Variants in MAML3 observed in about 807,000 individuals in gnomAD.
MAML3 encodes the protein mastermind-like protein 3.
MAML3 carries 27 observed loss-of-function variants against 101.9 expected under a neutral mutation model. That is an observed-to-expected ratio of 0.27 (90% confidence interval 0.20 to 0.37). The LOEUF (loss-of-function observed/expected upper bound fraction) is 0.37, where lower values mean the gene tolerates loss of function less well. Among genes scored for constraint, MAML3 ranks in the 10% least tolerant of loss-of-function variants. The probability of loss-of-function intolerance (pLI) is 1.00; values close to 1 mark genes in which losing one functional copy is unlikely to be tolerated. For missense variants in MAML3, 1,316 were observed against 1,444.9 expected (o/e 0.91, Z 1.45); for synonymous variants, 501 against 555.9 (o/e 0.90, Z 1.39).
intron 2 of MAML3, among the ~76,000 whole-genome samples, chr4:139,778,625 G>A (rs929953363): frequency 6.6e-6 from 1 of 152,108 alleles, no homozygotes; most frequent in African/African-American, 2.4e-5. Flanking sequence ...TCTTCCTGAG[G>A]GCGAATCTCT....
chr4:140,145,445 T>C (rs900279027), intron 1 of MAML3, among the ~76,000 whole-genome samples: 2 of 152,238 alleles, frequency 1.3e-5, no homozygotes, highest in African/African-American at 4.8e-5. Flanking sequence ...AGCATAAAGG[T>C]CATTTCCAAT....
chr4:139,873,475 G>A (rs994693236), intron 2 of MAML3, among the ~76,000 whole-genome samples: 2 of 152,164 alleles, frequency 1.3e-5, no homozygotes, highest in Non-Finnish European at 2.9e-5. Context: ...CCTTCAGAAG[G>A]GAGAACCTAA....
intron 1 of MAML3, among the ~76,000 whole-genome samples, chr4:140,003,541 G>C (rs1370390303): frequency 6.6e-6 from 1 of 152,102 alleles, no homozygotes; most frequent in Admixed American, 6.5e-5. Flanking sequence ...AGCTGAGAAG[G>C]GCTGCAAGAA....
intron 1 of MAML3, among the ~76,000 whole-genome samples, chr4:140,105,363 C>T (rs1728334371): frequency 6.6e-6 from 1 of 152,164 alleles, no homozygotes. Context: ...ACTCGACTAT[C>T]CTGGTCTTAG....
rs1375165425 is a variant in MAML3 at position 140,153,682 on chromosome 4, T to A, written c.-355A>T. 4.3e-6 allele frequency: 1 copy of A among 231,366 alleles called. No homozygotes were observed. The highest frequency in any genetic ancestry group is 2.3e-5 in the African/African-American group (1 of 43,710). 14.3% of individuals were successfully genotyped at this position (231,366 alleles called of 1,614,324 possible). ...TGCTTGCCTTCTTTTTATAATCCAT[T>A]ATTTTCTAATAAATTCCAGGAGATT... On this transcript the variant is annotated 5_prime_UTR_variant, in exon 1 of 5. The change abolishes the stop of an existing upstream ORF in the 5' untranslated region. Transcript: ENST00000509479.
chr4:139,872,009 A>G (rs1732017409), intron 2 of MAML3, among the ~76,000 whole-genome samples: 2 of 152,232 alleles, frequency 1.3e-5, no homozygotes, highest in Non-Finnish European at 2.9e-5. Context: ...ACGTGTTTAC[A>G]ATACTAGGAA....
chr4:140,142,993 T>G (rs1243606501), intron 1 of MAML3, among the ~76,000 whole-genome samples: 1 of 152,168 alleles, frequency 6.6e-6, no homozygotes, highest in African/African-American at 2.4e-5. Context: ...ACTAATCCTC[T>G]CCTCTGCACA....
At chr4:140,094,338 C>T (rs976257121) in intron 1 of MAML3, among the ~76,000 whole-genome samples, 7 of 152,288 alleles carry the variant, frequency 4.6e-5, no homozygotes, top group East Asian at 1.9e-4. Context: ...TGCTATCCTC[C>T]GGCTATATGC....
intron 1 of MAML3, among the ~76,000 whole-genome samples, chr4:139,980,205 T>C (rs1734420432): frequency 6.6e-6 from 1 of 152,180 alleles, no homozygotes; most frequent in Non-Finnish European, 1.5e-5. Context: ...ATCCCTCATG[T>C]CATCTGGAAG....
rs1389305423 is a variant in MAML3 at position 139,930,729 on chromosome 4, G to A, written c.469-39762C>T. ...TATGCTCTCAGGTACCCTCTTCGTA[G>A]TCCCTTTTTCTTATGTTTAAATGAG... On this transcript the variant is annotated intron_variant, in intron 1 of 4. Coordinates refer to ENST00000509479, the MANE Select transcript of MAML3 (RefSeq NM_018717.5). 2.6e-5 allele frequency among the ~76,000 whole-genome samples: 4 copies of A among 152,090 alleles called. No homozygotes were observed. In the South Asian group the frequency reaches 8.3e-4, roughly 32 times the overall value.
At chr4:140,080,574 T>G (rs1172522617) in intron 1 of MAML3, among the ~76,000 whole-genome samples, 9 of 152,212 alleles carry the variant, frequency 5.9e-5, no homozygotes, top group Admixed American at 5.9e-4. Context: ...GAGAAGAAAC[T>G]GGTCTTTCAC....
intron 2 of MAML3, chr4:139,888,732 A>G: frequency 2.0e-6 from 1 of 498,542 alleles, no homozygotes. Flanking sequence ...TGTATCAGAG[A>G]GGTTTCATTG....
At chr4:140,030,838 A>G (rs1443525633) in intron 1 of MAML3, among the ~76,000 whole-genome samples, 6 of 152,226 alleles carry the variant, frequency 3.9e-5, no homozygotes, top group Non-Finnish European at 8.8e-5. Context: ...GGTAAAAATC[A>G]TCATCATTAT....
At chr4:139,970,297 G>A (rs1473709213) in intron 1 of MAML3, among the ~76,000 whole-genome samples, 1 of 152,188 alleles carries the variant, frequency 6.6e-6, no homozygotes, top group East Asian at 1.9e-4. Context: ...TGGAGAAGAT[G>A]AGCAAGAAAA....
intron 1 of MAML3, among the ~76,000 whole-genome samples, chr4:140,071,788 A>AGAG (rs1560884538): frequency 6.7e-6 from 1 of 149,564 alleles, no homozygotes; most frequent in Non-Finnish European, 1.5e-5. Flanking sequence ...AGAGAGAGAG[A>AGAG]AGGCACGCAT....
chr4:140,107,865 C>T (rs990392336), intron 1 of MAML3, among the ~76,000 whole-genome samples: 3 of 150,218 alleles, frequency 2.0e-5, no homozygotes, highest in African/African-American at 7.4e-5. Flanking sequence ...AAAAAAATGA[C>T]GGTGGGGTGA....
chr4:139,899,854 C>T (rs1168516522), intron 1 of MAML3, among the ~76,000 whole-genome samples: 4 of 152,126 alleles, frequency 2.6e-5, no homozygotes, highest in Admixed American at 6.5e-5. Context: ...CCTCTGCTTT[C>T]GACCATCCCA....
chr4:140,092,075 CGT>C (rs1728062702), intron 1 of MAML3, among the ~76,000 whole-genome samples: 22 of 61,658 alleles, frequency 3.6e-4, no homozygotes, highest in Admixed American at 2.9e-3. Context: ...TATATATATA[CGT>C]ATATATATAC....
chr4:139,962,713 A>G (rs7695518), intron 1 of MAML3, among the ~76,000 whole-genome samples: 7,381 of 152,302 alleles, frequency 0.048, 557 homozygotes, highest in African/African-American at 0.16. Flanking sequence ...ATTTTTAAAA[A>G]CCAAGAAAAA....
Sources: gnomAD v4.1 joint callset for allele counts (sites outside exome capture counted in the v4.1 genomes callset) on GRCh38, gnomAD v4.1.1 for gene constraint, MANE v1.5 for transcripts, NCBI Gene and HGNC (gene_info 2026-07-23, HGNC 2026-07-21) for gene names.